PHACTR3: variants seen among roughly 807,000 people sequenced by gnomAD.
PHACTR3 encodes protein phosphatase 1, regulatory subunit 123.
A neutral mutation model predicts 66.8 loss-of-function variants in PHACTR3; 16 were observed. The observed-to-expected ratio is 0.24, with a 90% CI of 0.16 to 0.36. The LOEUF is 0.36. PHACTR3 is among the 10% of genes least tolerant of loss of function. PHACTR3 has a pLI of 1.00. For synonymous variants in PHACTR3, 323 were observed against 292.1 expected (o/e 1.11, Z -1.08); for missense variants, 647 against 719.9 (o/e 0.90, Z 1.16).
chr20:59,718,300 G>A (rs1053673882), intron 1 of PHACTR3, among the ~76,000 whole-genome samples: 3 of 152,208 alleles, frequency 2.0e-5, no homozygotes, highest in Non-Finnish European at 4.4e-5. Context: ...GGCTGAGACT[G>A]ACCCTGGATC....
intron 1 of PHACTR3, among the ~76,000 whole-genome samples, chr20:59,649,700 T>C (rs1251088037): frequency 6.6e-6 from 1 of 152,206 alleles, no homozygotes; most frequent in Non-Finnish European, 1.5e-5. Flanking sequence ...TATTCAGTGG[T>C]GTATTTTCTG....
intron 6 of PHACTR3, among the ~76,000 whole-genome samples, chr20:59,773,724 A>C (rs2040434045): frequency 6.6e-6 from 1 of 152,230 alleles, no homozygotes; most frequent in Non-Finnish European, 1.5e-5. Flanking sequence ...CTCAGGACCC[A>C]GGGTGGGGTG....
At chr20:59,616,952 TC>T (rs2034045173) in intron 1 of PHACTR3, among the ~76,000 whole-genome samples, 1 of 152,188 alleles carries the variant, frequency 6.6e-6, no homozygotes, top group Non-Finnish European at 1.5e-5. Flanking sequence ...GGGCTGGCTT[TC>T]CCCGCTCGCT....
chr20:59,609,158 A>G lies in PHACTR3; in HGVS notation c.118+4026A>G, dbSNP rs115271046. Reference sequence around the variant, plus strand: ...TGCATCCTTCTGCAGGGCCGGGTCCAGGTCTGCTTTACTGCCTGGAGAGGG... The same window carrying G: ...TGCATCCTTCTGCAGGGCCGGGTCCGGGTCTGCTTTACTGCCTGGAGAGGG... On this transcript the variant is annotated intron_variant, in intron 1 of 12. Coordinates refer to ENST00000371015, the MANE Select transcript of PHACTR3 (RefSeq NM_080672.5). 2.3e-3 allele frequency among the ~76,000 whole-genome samples: 351 copies of G among 152,326 alleles called. 3 individuals are homozygous for G. The highest frequency in any genetic ancestry group is 8.0e-3 in the African/African-American group (332 of 41,578).
intron 1 of PHACTR3, among the ~76,000 whole-genome samples, chr20:59,673,006 A>G (rs1751638406): frequency 6.6e-6 from 1 of 152,168 alleles, no homozygotes; most frequent in African/African-American, 2.4e-5. Context: ...AGTTGCCTGC[A>G]GGTTGGATGT....
At chr20:59,811,783 G>T (rs578081609) in intron 8 of PHACTR3, among the ~76,000 whole-genome samples, 43 of 152,152 alleles carry the variant, frequency 2.8e-4, no homozygotes, top group Non-Finnish European at 5.4e-4. Context: ...CAGCAAGCAG[G>T]CTAGAGCCCC....
chr20:59,674,579 TC>T (rs1272054393), intron 1 of PHACTR3, among the ~76,000 whole-genome samples: 8 of 33,544 alleles, frequency 2.4e-4, no homozygotes, highest in East Asian at 1.6e-3. Flanking sequence ...CTTCTCCTGT[TC>T]CCCCCTTCTC....
At chr20:59,612,534 G>A (rs1370876650) in intron 1 of PHACTR3, among the ~76,000 whole-genome samples, 10 of 152,196 alleles carry the variant, frequency 6.6e-5, no homozygotes, top group East Asian at 1.9e-4. Context: ...ACAGGTGCGC[G>A]CCACCATGCC....
chr20:59,620,078 G>C (rs2034179015), intron 1 of PHACTR3, among the ~76,000 whole-genome samples: 1 of 152,128 alleles, frequency 6.6e-6, no homozygotes, highest in Non-Finnish European at 1.5e-5. Context: ...CCTAAACCCG[G>C]TGTGTTTCCA....
At chr20:59,642,102 G>A (rs1165192861) in intron 1 of PHACTR3, among the ~76,000 whole-genome samples, 4 of 152,090 alleles carry the variant, frequency 2.6e-5, no homozygotes, top group Admixed American at 2.6e-4. Flanking sequence ...ATGGCCCGTG[G>A]AGGTCCGGAT....
At chr20:59,653,659 T>C (rs969497539) in intron 1 of PHACTR3, among the ~76,000 whole-genome samples, 1 of 152,196 alleles carries the variant, frequency 6.6e-6, no homozygotes, top group African/African-American at 2.4e-5. Flanking sequence ...TAGGACTAAC[T>C]TGGAGAAAGC....
chr20:59,805,624 G>A (rs140686935), intron 7 of PHACTR3, among the ~76,000 whole-genome samples: 3 of 152,324 alleles, frequency 2.0e-5, no homozygotes, highest in East Asian at 3.9e-4. Flanking sequence ...TGGCTGGGGG[G>A]ACAGTGGGCA....
chr20:59,602,620 C>G (rs903979449), upstream of PHACTR3, among the ~76,000 whole-genome samples: 1 of 151,984 alleles, frequency 6.6e-6, no homozygotes, highest in African/African-American at 2.4e-5. Context: ...CTTTCTCCTC[C>G]CCCCCACCTA....
At chr20:59,602,289 C>T (rs757894234), upstream of PHACTR3, among the ~76,000 whole-genome samples, 1 of 151,874 alleles carries the variant, frequency 6.6e-6, no homozygotes, top group South Asian at 2.1e-4. Flanking sequence ...CATGTCGGCC[C>T]GGTGTGGAGG....
At chr20:59,757,545 G>A (rs927041382) in intron 4 of PHACTR3, among the ~76,000 whole-genome samples, 8 of 151,980 alleles carry the variant, frequency 5.3e-5, no homozygotes, top group Non-Finnish European at 1.0e-4. Context: ...AAGAGCATGA[G>A]CTCTGCAGGC....
At chr20:59,831,954 C>T (rs1209563955) in intron 8 of PHACTR3, among the ~76,000 whole-genome samples, 1 of 152,198 alleles carries the variant, frequency 6.6e-6, no homozygotes, top group East Asian at 1.9e-4. Context: ...GCCACCCTGG[C>T]CTGAGTGGCG....
At chr20:59,827,379 G>A (rs887485643) in intron 8 of PHACTR3, among the ~76,000 whole-genome samples, 8 of 152,156 alleles carry the variant, frequency 5.3e-5, no homozygotes, top group African/African-American at 1.9e-4. Flanking sequence ...TATCCCAGGG[G>A]CACTAACCCA....
intron 4 of PHACTR3, among the ~76,000 whole-genome samples, chr20:59,764,536 A>C (rs2040113750): frequency 6.6e-6 from 1 of 152,190 alleles, no homozygotes; most frequent in Non-Finnish European, 1.5e-5. Flanking sequence ...GAGGAGACTG[A>C]GACTCACTAA....
chr20:59,611,829 G>A (rs1014918623), intron 1 of PHACTR3, among the ~76,000 whole-genome samples: 2 of 152,216 alleles, frequency 1.3e-5, no homozygotes, highest in Non-Finnish European at 2.9e-5. Flanking sequence ...CTCTGGTCTG[G>A]TAATTTTGGG....
Sources: allele counts gnomAD v4.1 joint callset (sites outside exome capture counted in the v4.1 genomes callset), GRCh38; gene constraint gnomAD v4.1.1; transcripts MANE v1.5; gene names NCBI Gene and HGNC (gene_info 2026-07-23, HGNC 2026-07-21).